The following MCM5 variants were observed in gnomAD, a reference collection of about 807,000 sequenced individuals.
MCM5 encodes minichromosome maintenance complex component 5, also known as DNA replication licensing factor MCM5.
In MCM5, 46 loss-of-function variants were observed where a neutral mutation model predicts 79.9. The ratio of observed to expected loss-of-function variants is 0.58; its 90% CI spans 0.45 to 0.74. The LOEUF is 0.74. Among genes scored for constraint, MCM5 ranks in the 30% least tolerant of loss-of-function variants. The pLI is 0.00. For synonymous variants in MCM5, 404 were observed against 390.5 expected, an observed-to-expected ratio of 1.03 and a Z score of -0.41; for missense variants, 883 against 1,017.0, an observed-to-expected ratio of 0.87 and a Z score of 1.79.
intron 12 of MCM5, 124 bp from the exon 13 acceptor site, chr22:35,417,620 C>T (rs1932580021): frequency 2.8e-6 from 2 of 718,172 alleles, no homozygotes; most frequent in Non-Finnish European, 5.1e-6. Flanking sequence ...CCTGAGATCT[C>T]AGCACCCTTT....
chr22:35,426,732 C>G (rs1048556217), downstream of MCM5, among the ~76,000 whole-genome samples: 1 of 152,194 alleles, frequency 6.6e-6, no homozygotes, highest in Non-Finnish European at 1.5e-5. Flanking sequence ...CCAGGAAGGG[C>G]TGGGTGCCTG....
rs1555903442 is a variant in MCM5 at position 35,406,305 on chromosome 22, C to CCG, written c.424-247_424-246insGC. 2.8e-5 allele frequency among the ~76,000 whole-genome samples: 4 copies of CCG among 144,878 alleles called. 1 individual carries two copies. The highest frequency in any genetic ancestry group is 4.6e-5 in the Non-Finnish European group (3 of 65,094). ...TATCTCTTGCCCTGCCACCTCCCCC[C>CCG]CCAATTGTGCTGCGAGGTCTTTAAA... On this transcript the variant is annotated intron_variant, in intron 4 of 16. Transcript: ENST00000216122.
intron 4 of MCM5, among the ~76,000 whole-genome samples, chr22:35,405,579 C>T (rs1285896865): frequency 6.6e-6 from 1 of 151,538 alleles, no homozygotes; most frequent in Non-Finnish European, 1.5e-5. Flanking sequence ...GTTGGCCAGG[C>T]TGGTCTCGAA....
At chr22:35,414,907 G>C (rs984232046) in intron 9 of MCM5, among the ~76,000 whole-genome samples, 2 of 152,230 alleles carry the variant, frequency 1.3e-5, no homozygotes, top group Non-Finnish European at 2.9e-5. Flanking sequence ...AGCCAGAGAA[G>C]GTCTGACATG....
At chr22:35,433,535 G>T in the MCM5 span, among the ~76,000 whole-genome samples, 17 of 152,144 alleles carry the variant, frequency 1.1e-4, no homozygotes, top group Non-Finnish European at 1.5e-5. Context: ...GGGGACCTTG[G>T]GGGGGTCTCT....
At chr22:35,417,695 A>G in intron 12 of MCM5, 49 bp from the exon 13 acceptor site, 1 of 1,345,640 alleles carries the variant, frequency 7.4e-7, no homozygotes, top group Non-Finnish European at 1.1e-6. Flanking sequence ...GCTGGGACTC[A>G]GGCTTGGGAC....
the MCM5 span, among the ~76,000 whole-genome samples, chr22:35,434,891 C>T: frequency 6.6e-6 from 1 of 151,782 alleles, no homozygotes; most frequent in African/African-American, 2.4e-5. Context: ...GTGGCTCACG[C>T]CTGTAATCCC....
intron 5 of MCM5, 58 bp downstream of exon 5, chr22:35,406,783 T>C: frequency 6.4e-7 from 1 of 1,564,686 alleles, no homozygotes; most frequent in Non-Finnish European, 8.7e-7. Flanking sequence ...TCAGAAAGGA[T>C]GAGAACAAGT....
chr22:35,412,935 C>T (rs528616711), intron 8 of MCM5, among the ~76,000 whole-genome samples: 1 of 152,286 alleles, frequency 6.6e-6, no homozygotes, highest in Admixed American at 6.5e-5. Flanking sequence ...GAGCACTGAG[C>T]TTAGGGTCGT....
the MCM5 span, among the ~76,000 whole-genome samples, chr22:35,431,073 C>T: frequency 7.2e-5 from 11 of 152,212 alleles, no homozygotes; most frequent in East Asian, 7.7e-4. Flanking sequence ...TCTCCAGGCG[C>T]TCCCAGGGAC....
intron 4 of MCM5, 78 bp from the exon 5 acceptor site, chr22:35,406,475 C>A: frequency 7.2e-7 from 1 of 1,384,744 alleles, no homozygotes; most frequent in Non-Finnish European, 1.0e-6. Flanking sequence ...CAGGCTCCTG[C>A]CCAGGATATT....
the MCM5 span, among the ~76,000 whole-genome samples, chr22:35,436,201 G>A: frequency 7.5e-4 from 113 of 151,324 alleles, no homozygotes; most frequent in East Asian, 0.017. Context: ...AGAAAATGGA[G>A]GGAAAATGGC....
At chr22:35,421,980 G>A (rs1446690658) in intron 15 of MCM5, 1 of 214,478 alleles carries the variant, frequency 4.7e-6, no homozygotes, top group Non-Finnish European at 9.5e-6. Context: ...AAGCCATACT[G>A]TCTGGTTTCG....
At position 35,400,177 on chromosome 22, in the gene MCM5, TC is replaced by T. The variant is rs1569061770; in HGVS notation, c.-36del. ...GCGGCTGAGCGTGGAGGTTCTTGTC[TC>T]CCCTGGTTTGTGAAGTGCGGAAAAC... is the stretch of plus-strand genomic sequence containing the variant. On this transcript the variant is annotated 5_prime_UTR_variant, in exon 1 of 17. Coordinates refer to ENST00000216122, the MANE Select transcript of MCM5 (RefSeq NM_006739.4). The T allele has an allele frequency of 2.1e-6, 1 of 479,806 alleles. No homozygotes were observed. The highest frequency in any genetic ancestry group is 3.8e-6 in the Non-Finnish European group (1 of 264,810). The allele number at this position is 479,806 out of a possible 1,614,324, so 29.7% of individuals were successfully genotyped here.
the MCM5 span, among the ~76,000 whole-genome samples, chr22:35,441,939 C>CT: frequency 2.6e-5 from 4 of 152,096 alleles, no homozygotes; most frequent in Non-Finnish European, 5.9e-5. Context: ...TCAGAGGCCC[C>CT]TTCCCATTGG....
At chr22:35,448,253 T>G in the MCM5 span, among the ~76,000 whole-genome samples, 1 of 152,212 alleles carries the variant, frequency 6.6e-6, no homozygotes, top group Non-Finnish European at 1.5e-5. Context: ...CGAAGAGAGC[T>G]ATGTGGAGAG....
At chr22:35,429,107 T>C (rs1165987945), downstream of MCM5, among the ~76,000 whole-genome samples, 1 of 145,686 alleles carries the variant, frequency 6.9e-6, no homozygotes, top group African/African-American at 2.5e-5. Flanking sequence ...TGCCTCAGCC[T>C]CCCAAGTAGC....
chr22:35,412,014 C>T (rs1281393791), intron 7 of MCM5, among the ~76,000 whole-genome samples: 3 of 152,146 alleles, frequency 2.0e-5, no homozygotes, highest in South Asian at 2.1e-4. Flanking sequence ...TCTAATCACT[C>T]AGGAACTCTG....
At chr22:35,415,798 A>G in intron 9 of MCM5, 31 bp from the exon 10 acceptor site, 1 of 1,602,086 alleles carries the variant, frequency 6.2e-7, no homozygotes. Context: ...TGGAGTTGTT[A>G]TTGGGCCCTG....
Sources: allele counts gnomAD v4.1 joint callset (sites outside exome capture counted in the v4.1 genomes callset), GRCh38; gene constraint gnomAD v4.1.1; transcripts MANE v1.5; gene names NCBI Gene and HGNC (gene_info 2026-07-23, HGNC 2026-07-21).